ERC1: variants seen among roughly 807,000 people sequenced by gnomAD.
ERC1 encodes RAB6 interacting protein 2.
ERC1 carries 56 observed loss-of-function variants against 132.0 expected under a neutral mutation model. That is an observed-to-expected ratio of 0.42 (90% confidence interval 0.34 to 0.53). ERC1 has a LOEUF of 0.53. Ranked by LOEUF, ERC1 falls within the 20% of genes least tolerant of loss-of-function variation. The pLI, the probability that ERC1 is intolerant of heterozygous loss-of-function variation, is 0.03. For synonymous variants in ERC1, 478 were observed against 476.1 expected, an observed-to-expected ratio of 1.00 and a Z score of -0.05; for missense variants, 1,202 against 1,349.9, an observed-to-expected ratio of 0.89 and a Z score of 1.72.
intron 18 of ERC1, among the ~76,000 whole-genome samples, chr12:1,460,913 G>A (rs1195473929): frequency 6.8e-6 from 1 of 146,444 alleles, no homozygotes; most frequent in African/African-American, 2.6e-5. Flanking sequence ...GTTTTGAAAA[G>A]GCAGTTTTCA....
At chr12:1,034,804 A>G (rs766151725) in intron 2 of ERC1, among the ~76,000 whole-genome samples, 1 of 152,210 alleles carries the variant, frequency 6.6e-6, no homozygotes, top group African/African-American at 2.4e-5. Context: ...AAAATACGTA[A>G]TATCCTTTCT....
chr12:1,226,349 A>G (rs900426975), intron 12 of ERC1, among the ~76,000 whole-genome samples: 1 of 152,236 alleles, frequency 6.6e-6, no homozygotes, highest in Non-Finnish European at 1.5e-5. Context: ...TGATACATGT[A>G]TACATTGTGA....
At chr12:1,245,630 T>C (rs567906091) in intron 13 of ERC1, among the ~76,000 whole-genome samples, 1 of 152,238 alleles carries the variant, frequency 6.6e-6, no homozygotes, top group African/African-American at 2.4e-5. Context: ...TTTTTGTTTT[T>C]GGTTCAACAC....
At chr12:1,404,497 C>T (rs1476561452) in intron 16 of ERC1, among the ~76,000 whole-genome samples, 1 of 151,844 alleles carries the variant, frequency 6.6e-6, no homozygotes, top group Admixed American at 6.6e-5. Context: ...AGAGCAAAAA[C>T]AGAAGAAAAA....
chr12:1,034,819 A>G (rs1299399454), intron 2 of ERC1, among the ~76,000 whole-genome samples: 1 of 152,244 alleles, frequency 6.6e-6, no homozygotes, highest in Non-Finnish European at 1.5e-5. Flanking sequence ...CTTTCTAAGT[A>G]TCAGTCTGCA....
chr12:1,256,579 T>C (rs1367703097), intron 13 of ERC1, among the ~76,000 whole-genome samples: 1 of 150,916 alleles, frequency 6.6e-6, no homozygotes, highest in African/African-American at 2.5e-5. Context: ...CACTGAGTAT[T>C]CTTGGTGTTG....
chr12:1,317,171 A>G (rs1460421368), intron 15 of ERC1, among the ~76,000 whole-genome samples: 1 of 132,280 alleles, frequency 7.6e-6, no homozygotes, highest in African/African-American at 2.8e-5. Flanking sequence ...CAAAAACGAA[A>G]AAAAAAAAAA....
chr12:1,138,205 TATATA>T (rs1949518199), intron 7 of ERC1, among the ~76,000 whole-genome samples: 1 of 123,668 alleles, frequency 8.1e-6, no homozygotes, highest in African/African-American at 3.2e-5. Context: ...TTATATATGA[TATATA>T]TTATATAATA....
intron 15 of ERC1, among the ~76,000 whole-genome samples, chr12:1,294,457 T>C (rs2079756293): frequency 6.6e-6 from 1 of 152,212 alleles, no homozygotes; most frequent in Non-Finnish European, 1.5e-5. Context: ...AAGTCCCTCT[T>C]GTTTTCAGCT....
intron 16 of ERC1, among the ~76,000 whole-genome samples, chr12:1,389,900 G>T (rs938099443): frequency 5.9e-5 from 9 of 152,084 alleles, no homozygotes; most frequent in African/African-American, 1.9e-4. Context: ...AATATGTAGT[G>T]CCTTTAAAGA....
At chr12:1,267,360 CA>C (rs559866778) in intron 14 of ERC1, among the ~76,000 whole-genome samples, 49 of 152,360 alleles carry the variant, frequency 3.2e-4, no homozygotes, top group African/African-American at 1.1e-3. Flanking sequence ...GTCTCCTAAA[CA>C]AGTCTCAGAA....
chr12:1,400,915 TA>T (rs1382128088), intron 16 of ERC1, among the ~76,000 whole-genome samples: 101 of 23,856 alleles, frequency 4.2e-3, no homozygotes, highest in Non-Finnish European at 5.9e-3. Flanking sequence ...GCTATTTTTG[TA>T]TTTTTTTTTT....
intron 11 of ERC1, among the ~76,000 whole-genome samples, chr12:1,187,978 C>T (rs150511887): frequency 2.0e-5 from 3 of 152,250 alleles, no homozygotes; most frequent in African/African-American, 4.8e-5. Flanking sequence ...TAAGCTGAGA[C>T]CTCAAAGTAA....
intron 15 of ERC1, among the ~76,000 whole-genome samples, chr12:1,342,462 CT>C (rs2084000691): frequency 7.6e-6 from 1 of 132,382 alleles, no homozygotes; most frequent in African/African-American, 2.8e-5. Context: ...GAGCGAAACT[CT>C]GTCTCAAAAA....
At chr12:1,363,721 G>GT (rs991689645) in intron 15 of ERC1, among the ~76,000 whole-genome samples, 9 of 151,522 alleles carry the variant, frequency 5.9e-5, no homozygotes, top group African/African-American at 1.2e-4. Flanking sequence ...GGCCCAGCTA[G>GT]TTTTTTTTAT....
chr12:1,055,036 C>T (rs898620749), intron 2 of ERC1, among the ~76,000 whole-genome samples: 1 of 152,130 alleles, frequency 6.6e-6, no homozygotes, highest in African/African-American at 2.4e-5. Flanking sequence ...GCCTTGGTGA[C>T]AGGAGACCCC....
At chr12:1,130,795 T>G (rs1948690441) in intron 7 of ERC1, among the ~76,000 whole-genome samples, 2 of 152,158 alleles carry the variant, frequency 1.3e-5, no homozygotes, top group South Asian at 4.2e-4. Flanking sequence ...GTGTGGTCTG[T>G]AATGCTGTCA....
intron 7 of ERC1, among the ~76,000 whole-genome samples, chr12:1,119,256 T>A (rs1245878891): frequency 7.6e-6 from 1 of 132,272 alleles, no homozygotes; most frequent in African/African-American, 3.5e-5. Flanking sequence ...TTGTTTTGTT[T>A]TGTTTTTTTT....
chr12:1,019,836 G>C (rs1966072452), intron 1 of ERC1, among the ~76,000 whole-genome samples: 1 of 152,118 alleles, frequency 6.6e-6, no homozygotes, highest in Non-Finnish European at 1.5e-5. Flanking sequence ...TGAACTCTTG[G>C]GTTCAAGCAA....
Sources: gnomAD v4.1 joint callset for allele counts (sites outside exome capture counted in the v4.1 genomes callset) on GRCh38, gnomAD v4.1.1 for gene constraint, MANE v1.5 for transcripts, NCBI Gene and HGNC (gene_info 2026-07-23, HGNC 2026-07-21) for gene names.